CNOT10: variants seen among roughly 807,000 people sequenced by gnomAD.
The protein encoded by CNOT10 is CCR4-NOT transcription complex subunit 10, also known as CCR4-NOT transcription complex, subunit 10.
CNOT10 carries 30 observed loss-of-function variants against 94.6 expected under a neutral mutation model. That is an observed-to-expected ratio of 0.32 (90% CI 0.24 to 0.43). The LOEUF is 0.43. Ranked by LOEUF, CNOT10 falls within the 20% of genes least tolerant of loss-of-function variation. CNOT10 has a pLI of 1.00. For synonymous variants in CNOT10, 289 were observed against 301.6 expected (o/e 0.96, Z 0.43); for missense variants, 759 against 877.2 (o/e 0.87, Z 1.70).
At chr3:32,744,925 C>G (rs1272042530) in intron 13 of CNOT10, among the ~76,000 whole-genome samples, 1 of 152,106 alleles carries the variant, frequency 6.6e-6, no homozygotes, top group Non-Finnish European at 1.5e-5. Flanking sequence ...GTCACCCGGG[C>G]TGGAGTGCAG....
At chr3:32,730,060 G>A (rs1024292205) in intron 10 of CNOT10, among the ~76,000 whole-genome samples, 5 of 151,962 alleles carry the variant, frequency 3.3e-5, no homozygotes, top group East Asian at 1.9e-4. Context: ...GAGCCACCGC[G>A]CCCGGCCCAG....
At chr3:32,756,352 G>C (rs1395566914) in intron 13 of CNOT10, among the ~76,000 whole-genome samples, 2 of 152,192 alleles carry the variant, frequency 1.3e-5, no homozygotes, top group Non-Finnish European at 2.9e-5. Context: ...GAAGAAAGCA[G>C]ATTTTTATAT....
intron 3 of CNOT10, among the ~76,000 whole-genome samples, chr3:32,708,071 G>A (rs913683189): frequency 6.6e-5 from 10 of 151,634 alleles, no homozygotes; most frequent in African/African-American, 1.2e-4. Flanking sequence ...TTTGTATTTT[G>A]TATTTTTAGT....
chr3:32,715,027 A>G (rs1315546313), intron 5 of CNOT10, among the ~76,000 whole-genome samples: 1 of 152,190 alleles, frequency 6.6e-6, no homozygotes, highest in Non-Finnish European at 1.5e-5. Context: ...TTATACCGAA[A>G]CATTGTGTAG....
intron 4 of CNOT10, among the ~76,000 whole-genome samples, chr3:32,712,071 TTTTG>T (rs1697915511): frequency 6.6e-6 from 1 of 152,228 alleles, no homozygotes; most frequent in Admixed American, 6.5e-5. Context: ...GTTCTTTTTC[TTTTG>T]AAGGTCTTGT....
At chr3:32,754,593 C>T (rs1315431594) in intron 13 of CNOT10, among the ~76,000 whole-genome samples, 2 of 125,236 alleles carry the variant, frequency 1.6e-5, no homozygotes, top group African/African-American at 6.4e-5. Context: ...GATCTCTGCT[C>T]ACTGCAACCT....
intron 3 of CNOT10, 24 bp downstream of exon 3, chr3:32,704,996 A>G (rs778043229): frequency 5.0e-6 from 7 of 1,412,534 alleles, no homozygotes; most frequent in African/African-American, 4.5e-5. Flanking sequence ...GAATTTAACT[A>G]TAAAAAATAT....
chr3:32,742,774 C>G (rs567286555), intron 13 of CNOT10, among the ~76,000 whole-genome samples: 1 of 152,282 alleles, frequency 6.6e-6, no homozygotes, highest in Admixed American at 6.5e-5. Context: ...CTCATGGGTG[C>G]CTAGAGTTGC....
chr3:32,737,448 C>G lies in CNOT10; in HGVS notation c.1553C>G (p.Pro518Arg). 6.2e-7 allele frequency: 1 copy of G among 1,612,096 alleles called. No individual in the cohort carries two copies. The highest frequency in any genetic ancestry group is 8.5e-7 in the Non-Finnish European group (1 of 1,178,376). Reference protein sequence around the residue: ...SHDGDKFIPAPPSSPLRKQEL... With the variant: ...SHDGDKFIPARPSSPLRKQEL... ...GATGGAGATAAATTCATTCCAGCTC[C>G]ACCTTCTTCTCCATTGAGAAAACAG... The change falls in exon 13 of 19, where the codon CCA becomes CGA. Residue 518 changes from proline (P) to arginine (R), a missense_variant. Physicochemically the swap from Pro to Arg is moderately radical, Grantham distance 103 (BLOSUM62 -2). Around this residue, in one of 3 missense-constraint regions of CNOT10, gnomAD observed 682 missense variants for 799.4 expected, o/e 0.85. Coordinates refer to ENST00000328834, the MANE Select transcript of CNOT10 (RefSeq NM_015442.3).
intron 1 of CNOT10, among the ~76,000 whole-genome samples, chr3:32,702,935 G>A (rs1223570824): frequency 4.0e-5 from 6 of 148,422 alleles, no homozygotes; most frequent in South Asian, 4.3e-4. Context: ...TTTTTGAGAC[G>A]GAGTCCTACT....
chr3:32,739,388 C>CT (rs886447262), intron 13 of CNOT10, among the ~76,000 whole-genome samples: 2 of 152,060 alleles, frequency 1.3e-5, no homozygotes, highest in Admixed American at 6.6e-5. Flanking sequence ...TTATTTTGCT[C>CT]TTTTTTTAAC....
intron 12 of CNOT10, among the ~76,000 whole-genome samples, chr3:32,735,717 C>T (rs897633166): frequency 1.6e-4 from 24 of 152,092 alleles, no homozygotes; most frequent in African/African-American, 5.8e-4. Context: ...CTCAAAAAAA[C>T]AGAAAATTTA....
chr3:32,726,693 C>CAATAAT (rs1559495389), intron 9 of CNOT10, among the ~76,000 whole-genome samples: 2 of 82,898 alleles, frequency 2.4e-5, no homozygotes, highest in South Asian at 5.0e-4. Context: ...GAGACTCTGT[C>CAATAAT]CATAATAATA....
chr3:32,686,881 C>T (rs1696625012), intron 1 of CNOT10, among the ~76,000 whole-genome samples: 1 of 152,132 alleles, frequency 6.6e-6, no homozygotes, highest in South Asian at 2.1e-4. Context: ...TATTCATTCG[C>T]AAAGATTGAG....
intron 9 of CNOT10, among the ~76,000 whole-genome samples, chr3:32,726,828 C>A (rs1698690614): frequency 1.4e-5 from 2 of 140,012 alleles, no homozygotes; most frequent in African/African-American, 5.3e-5. Context: ...AATGGTTAAC[C>A]AAGATGAATT....
intron 8 of CNOT10, among the ~76,000 whole-genome samples, chr3:32,720,660 T>C (rs1216346344): frequency 1.3e-5 from 2 of 151,778 alleles, no homozygotes; most frequent in Non-Finnish European, 2.9e-5. Flanking sequence ...GCCTGGCTTA[T>C]TTATTGTAGA....
intron 13 of CNOT10, chr3:32,752,997 G>T: frequency 2.1e-6 from 1 of 476,770 alleles, no homozygotes; most frequent in Non-Finnish European, 4.1e-6. Context: ...CCCCCAGGCG[G>T]CATTAGAGGA....
intron 14 of CNOT10, 39 bp from the exon 15 acceptor site, chr3:32,762,694 G>T: frequency 6.4e-7 from 1 of 1,571,632 alleles, no homozygotes; most frequent in Non-Finnish European, 8.6e-7. Context: ...TTTTTGTGAC[G>T]TTGTACTTTT....
At chr3:32,764,414 C>T (rs1307097359) in intron 15 of CNOT10, 41 bp from the exon 16 acceptor site, 2 of 1,604,510 alleles carry the variant, frequency 1.2e-6, no homozygotes, top group African/African-American at 1.3e-5. Flanking sequence ...AAAATATGCT[C>T]TGTTGTTCTG....
Sources: gnomAD v4.1 joint callset for allele counts (sites outside exome capture counted in the v4.1 genomes callset) on GRCh38, gnomAD v4.1.1 for gene constraint, gnomAD v4.1.1 regional missense constraint, MANE v1.5 for transcripts, NCBI Gene and HGNC (gene_info 2026-07-23, HGNC 2026-07-21) for gene names.